DLG2: variants seen among roughly 807,000 people sequenced by gnomAD.
DLG2 encodes the protein discs large MAGUK scaffold protein 2.
In DLG2, 45 loss-of-function variants were observed where a neutral mutation model predicts 132.5. That is an observed-to-expected ratio of 0.34 (90% CI 0.27 to 0.44). The LOEUF (loss-of-function observed/expected upper bound fraction) is 0.44, where lower values mean the gene tolerates loss of function less well. Ranked by LOEUF, DLG2 falls within the 20% of genes least tolerant of loss-of-function variation. DLG2 has a pLI of 1.00. For missense variants in DLG2, 1,045 were observed against 1,196.9 expected (o/e 0.87, Z 1.87); for synonymous variants, 424 against 419.6 (o/e 1.01, Z -0.13).
chr11:84,668,849 A>G (rs2099702653), intron 6 of DLG2, among the ~76,000 whole-genome samples: 1 of 152,196 alleles, frequency 6.6e-6, no homozygotes, highest in Non-Finnish European at 1.5e-5. Flanking sequence ...CGAAGAAGAC[A>G]CAAAACACTG....
chr11:85,619,886 T>C (rs1053896281), intron 2 of DLG2, among the ~76,000 whole-genome samples: 1 of 150,810 alleles, frequency 6.6e-6, no homozygotes, highest in South Asian at 2.1e-4. Context: ...AACATGAAAA[T>C]TCAAATACAA....
intron 19 of DLG2, among the ~76,000 whole-genome samples, chr11:83,608,529 C>G (rs1170998713): frequency 6.6e-6 from 1 of 152,026 alleles, no homozygotes; most frequent in African/African-American, 2.4e-5. Flanking sequence ...TTGATTATCT[C>G]ATGTAATTTG....
intron 6 of DLG2, among the ~76,000 whole-genome samples, chr11:84,849,684 T>C (rs1416922807): frequency 6.6e-6 from 1 of 152,140 alleles, no homozygotes; most frequent in Non-Finnish European, 1.5e-5. Context: ...CTTACCTATG[T>C]TTTCTTCAGT....
intron 9 of DLG2, among the ~76,000 whole-genome samples, chr11:84,153,658 T>C (rs1378952979): frequency 6.6e-6 from 1 of 152,244 alleles, no homozygotes. Context: ...AACTATACTA[T>C]GAAATTCCTG....
chr11:84,335,944 C>A (rs1203736213), intron 7 of DLG2, among the ~76,000 whole-genome samples: 1 of 152,068 alleles, frequency 6.6e-6, no homozygotes, highest in Non-Finnish European at 1.5e-5. Context: ...AATTTAATCA[C>A]CTCAACCCCT....
intron 4 of DLG2, among the ~76,000 whole-genome samples, chr11:85,219,586 G>A (rs1479898863): frequency 6.6e-6 from 1 of 151,544 alleles, no homozygotes; most frequent in African/African-American, 2.4e-5. Context: ...TAACAATCCT[G>A]ATGTTCCTTT....
At chr11:85,388,484 T>C (rs928358900) in intron 3 of DLG2, among the ~76,000 whole-genome samples, 28 of 152,052 alleles carry the variant, frequency 1.8e-4, no homozygotes, top group African/African-American at 6.5e-4. Flanking sequence ...GTCCTCCCTA[T>C]ATAATCACAG....
chr11:84,218,990 G>A (rs1318520761), intron 8 of DLG2, among the ~76,000 whole-genome samples: 1 of 152,086 alleles, frequency 6.6e-6, no homozygotes, highest in African/African-American at 2.4e-5. Flanking sequence ...GGCAGCTATT[G>A]GTACCTTAAC....
intron 6 of DLG2, among the ~76,000 whole-genome samples, chr11:84,673,529 A>G (rs1480727787): frequency 6.6e-6 from 1 of 151,648 alleles, no homozygotes; most frequent in Non-Finnish European, 1.5e-5. Flanking sequence ...TGATATTATT[A>G]TCTGGATTAT....
At chr11:84,827,550 C>T (rs1055189623) in intron 6 of DLG2, among the ~76,000 whole-genome samples, 20 of 150,518 alleles carry the variant, frequency 1.3e-4, no homozygotes, top group Non-Finnish European at 2.8e-4. Context: ...AGATGAAATC[C>T]CCATTCCAAG....
At chr11:84,313,000 CG>C (rs1371534726) in intron 7 of DLG2, among the ~76,000 whole-genome samples, 2 of 151,710 alleles carry the variant, frequency 1.3e-5, no homozygotes, top group Admixed American at 6.6e-5. Context: ...TTAGTAGAGA[CG>C]GGGCTTCACC....
chr11:85,033,128 G>A (rs897805616), intron 6 of DLG2, among the ~76,000 whole-genome samples: 1 of 152,068 alleles, frequency 6.6e-6, no homozygotes, highest in Non-Finnish European at 1.5e-5. Context: ...ACTGTTTTTT[G>A]TCTGTGGTTC....
At chr11:84,916,348 CAAA>C (rs11423369) in intron 6 of DLG2, among the ~76,000 whole-genome samples, 92 of 27,926 alleles carry the variant, frequency 3.3e-3, no homozygotes, top group African/African-American at 0.011. Flanking sequence ...GACTCCGTCT[CAAA>C]AAAAAAAAAA....
Position 84,108,770 on chromosome 11 carries a change from G to A in DLG2, c.625-9723C>T, listed in dbSNP as rs540172274. 1.1e-4 allele frequency among the ~76,000 whole-genome samples: 11 copies of A among 103,250 alleles called. No individual in the cohort carries two copies. In the South Asian group the frequency reaches 2.4e-3, roughly 23 times the overall value. 67.7% of individuals were successfully genotyped at this position (103,250 alleles called of 152,430 possible). ...TTATTGTGTACAAACTTATTGGAGA[G>A]TGCTGAAGGGGAGAACAGAGAGGCA... On this transcript the variant is annotated intron_variant, in intron 9 of 27. Coordinates refer to ENST00000376104, the MANE Select transcript of DLG2 (RefSeq NM_001142699.3).
intron 7 of DLG2, among the ~76,000 whole-genome samples, chr11:84,529,586 T>A (rs2099330341): frequency 1.3e-5 from 2 of 152,064 alleles, no homozygotes; most frequent in Admixed American, 1.3e-4. Flanking sequence ...CAGCTAACCA[T>A]GGAGGTAAAA....
intron 3 of DLG2, among the ~76,000 whole-genome samples, chr11:85,575,905 G>A (rs1474793902): frequency 2.6e-5 from 4 of 152,056 alleles, no homozygotes; most frequent in Non-Finnish European, 1.5e-5. Flanking sequence ...ATCTAGAACA[G>A]CATTTGGCAC....
chr11:84,008,362 C>T (rs2094688018), intron 11 of DLG2, among the ~76,000 whole-genome samples: 1 of 151,854 alleles, frequency 6.6e-6, no homozygotes, highest in Non-Finnish European at 1.5e-5. Flanking sequence ...CAATGTTTGG[C>T]TTTTGCAGCA....
chr11:85,086,216 T>G (rs940155480), intron 6 of DLG2, among the ~76,000 whole-genome samples: 1 of 152,140 alleles, frequency 6.6e-6, no homozygotes, highest in South Asian at 2.1e-4. Flanking sequence ...CTGGAAGCCA[T>G]CCATCATAAT....
intron 21 of DLG2, among the ~76,000 whole-genome samples, chr11:83,491,768 G>A (rs1426128011): frequency 1.3e-5 from 2 of 151,922 alleles, no homozygotes; most frequent in African/African-American, 2.4e-5. Context: ...CAAGGAAATA[G>A]AGACCTTCTC....
Sources: allele counts gnomAD v4.1 joint callset (sites outside exome capture counted in the v4.1 genomes callset), GRCh38; gene constraint gnomAD v4.1.1; transcripts MANE v1.5; gene names NCBI Gene and HGNC (gene_info 2026-07-23, HGNC 2026-07-21).